The following ZZZ3 variants were observed in gnomAD, a reference collection of about 807,000 sequenced individuals.
ZZZ3 encodes zinc finger ZZ-type containing 3, also known as ZZ-type zinc finger-containing protein 3.
A neutral mutation model predicts 95.2 loss-of-function variants in ZZZ3; 22 were observed. The observed-to-expected ratio is 0.23, with a 90% CI of 0.17 to 0.33. The LOEUF (loss-of-function observed/expected upper bound fraction) is 0.33, where lower values mean the gene tolerates loss of function less well. ZZZ3 is among the 10% of genes least tolerant of loss of function. The pLI is 1.00. For missense variants in ZZZ3, 885 were observed against 1,066.5 expected (o/e 0.83, Z 2.37); for synonymous variants, 335 against 358.9 (o/e 0.93, Z 0.75).
At position 77,632,861 on chromosome 1, in the gene ZZZ3, C is replaced by A; in HGVS notation, c.494G>T (p.Arg165Leu). Residue 165 changes from arginine (R) to leucine (L), a missense_variant, in exon 5 of 15, where the codon CGA becomes CTA. By Grantham distance (102) the Arg-to-Leu change is moderately radical. Coordinates refer to ENST00000370801, the MANE Select transcript of ZZZ3 (RefSeq NM_015534.6). ...ADFQGTKRACRCLILDDCEKR... is the reference protein window; with the variant it reads ...ADFQGTKRACLCLILDDCEKR... ...CTCACAATCATCCAGTATAAGACAT[C>A]GACAAGCTCGTTTAGTCCCTTGAAA... 1.9e-6 allele frequency: 3 copies of A among 1,614,184 alleles called. No homozygotes were observed. The highest frequency in any genetic ancestry group is 2.5e-6 in the Non-Finnish European group (3 of 1,180,022).
chr1:77,666,051 A>G (rs1171172655), intron 1 of ZZZ3, among the ~76,000 whole-genome samples: 1 of 152,234 alleles, frequency 6.6e-6, no homozygotes, highest in African/African-American at 2.4e-5. Flanking sequence ...AAAAATAAAT[A>G]AAGTATTTGG....
intron 5 of ZZZ3, among the ~76,000 whole-genome samples, chr1:77,611,244 A>AC (rs1665768748): frequency 6.7e-6 from 1 of 149,176 alleles, no homozygotes; most frequent in Admixed American, 6.7e-5. Flanking sequence ...AAAAAAAAAA[A>AC]AAAAAACAAC....
chr1:77,619,434 A>G (rs1666635966), intron 5 of ZZZ3, among the ~76,000 whole-genome samples: 1 of 152,198 alleles, frequency 6.6e-6, no homozygotes, highest in Admixed American at 6.5e-5. Flanking sequence ...TTAATAGAAC[A>G]GACACACATA....
chr1:77,591,870 T>A (rs1337906677), intron 5 of ZZZ3, among the ~76,000 whole-genome samples: 3 of 152,156 alleles, frequency 2.0e-5, no homozygotes, highest in African/African-American at 7.2e-5. Flanking sequence ...GCCCAAAATC[T>A]AAGTGAAAGA....
chr1:77,673,470 G>A (rs1457593183), intron 1 of ZZZ3, among the ~76,000 whole-genome samples: 4 of 152,058 alleles, frequency 2.6e-5, no homozygotes, highest in Non-Finnish European at 5.9e-5. Flanking sequence ...GGTGGCAGGC[G>A]GCTGTAATTC....
At chr1:77,649,175 T>A (rs953728750) in intron 1 of ZZZ3, among the ~76,000 whole-genome samples, 5 of 151,664 alleles carry the variant, frequency 3.3e-5, no homozygotes, top group African/African-American at 1.2e-4. Flanking sequence ...ACAAGAAACA[T>A]GAATAAAACT....
At chr1:77,619,018 T>C (rs1666598543) in intron 5 of ZZZ3, among the ~76,000 whole-genome samples, 1 of 152,150 alleles carries the variant, frequency 6.6e-6, no homozygotes, top group African/African-American at 2.4e-5. Flanking sequence ...AACTATATTA[T>C]AGCTAACAGA....
chr1:77,565,692 T>G lies in ZZZ3; in HGVS notation c.2660A>C (p.Gln887Pro), dbSNP rs763914638. 1 of 1,613,978 alleles carries G rather than the reference T, an allele frequency of 6.2e-7. No homozygotes were observed. ...GTCAAGGTAATTGTAACTGGTGCCC[T>G]GAGACACACAGTAGTCTCTGTCTAA... ...TFLDRDYCVS[Q>P]GTSYNYLDPN... The change falls in exon 15 of 15, where the codon CAG becomes CCG. Residue 887 changes from glutamine to proline, a missense_variant. By Grantham distance (76) the Gln-to-Pro change is moderately conservative. Transcript: ENST00000370801.
intron 4 of ZZZ3, among the ~76,000 whole-genome samples, chr1:77,638,046 G>A (rs1367285966): frequency 6.6e-6 from 1 of 152,146 alleles, no homozygotes; most frequent in Non-Finnish European, 1.5e-5. Flanking sequence ...CTACACTGGA[G>A]TTTTTCCTAT....
At chr1:77,679,855 T>G (rs1672589750) in intron 1 of ZZZ3, among the ~76,000 whole-genome samples, 1 of 152,212 alleles carries the variant, frequency 6.6e-6, no homozygotes, top group Non-Finnish European at 1.5e-5. Flanking sequence ...CTCAGTATAT[T>G]TCTACCAAGT....
chr1:77,679,624 T>C (rs1294447472), intron 1 of ZZZ3, among the ~76,000 whole-genome samples: 1 of 152,236 alleles, frequency 6.6e-6, no homozygotes, highest in Non-Finnish European at 1.5e-5. Flanking sequence ...GAAATTGGCA[T>C]GGTGTCAGAC....
chr1:77,579,894 CAG>C (rs1431516318), intron 9 of ZZZ3: 1 of 205,930 alleles, frequency 4.9e-6, no homozygotes, highest in Non-Finnish European at 9.6e-6. Context: ...CATAAGAAAA[CAG>C]AAAATAAGTA....
At position 77,611,247 on chromosome 1, in the gene ZZZ3, AAAAC is replaced by A. The variant is rs1396470599; in HGVS notation, c.1505+20599_1505+20602del. On this transcript the variant is annotated intron_variant, in intron 5 of 14. Coordinates refer to ENST00000370801, the MANE Select transcript of ZZZ3 (RefSeq NM_015534.6). ...AAATACCTACCAAAAAAAAAAAAAA[AAAAC>A]AACCCACATGCAAAAAAACACAAAA... 3.5e-3 allele frequency among the ~76,000 whole-genome samples: 516 copies of A among 149,098 alleles called. 6 individuals carry two copies. Among genetic ancestry groups the A allele is most frequent in the African/African-American group, 0.012 (496 of 40,870 alleles).
intron 5 of ZZZ3, among the ~76,000 whole-genome samples, chr1:77,587,415 C>T (rs536927348): frequency 3.3e-5 from 5 of 151,986 alleles, no homozygotes; most frequent in Admixed American, 3.3e-4. Flanking sequence ...CAGGCACCCG[C>T]CACCACATCC....
At chr1:77,644,061 T>TG (rs1557756815) in intron 1 of ZZZ3, among the ~76,000 whole-genome samples, 4 of 151,600 alleles carry the variant, frequency 2.6e-5, no homozygotes, top group Non-Finnish European at 5.9e-5. Context: ...GAAATAACTT[T>TG]CTTTTTTTTT....
At chr1:77,641,794 A>G in intron 1 of ZZZ3, 139 bp from the exon 2 acceptor site, 1 of 380,512 alleles carries the variant, frequency 2.6e-6, no homozygotes, top group East Asian at 3.7e-5. Flanking sequence ...CCTTACATTT[A>G]GCTGTGAAAT....
chr1:77,635,746 A>G (rs1485197452), intron 4 of ZZZ3, among the ~76,000 whole-genome samples: 1 of 152,174 alleles, frequency 6.6e-6, no homozygotes, highest in East Asian at 1.9e-4. Context: ...TCTCTACTAA[A>G]AATACAAAAA....
Position 77,568,418 on chromosome 1 carries a change from C to CCTG in ZZZ3, c.2379_2380insCAG (p.Lys793_Glu794insGln). 7.0e-7 allele frequency: 1 copy of CCTG among 1,430,032 alleles called. No homozygotes were observed. The highest frequency in any genetic ancestry group is 1.2e-5 in the South Asian group (1 of 80,806). 88.6% of individuals were successfully genotyped at this position (1,430,032 alleles called of 1,614,324 possible). On this transcript the variant is annotated inframe_insertion, in exon 13 of 15. Coordinates refer to ENST00000370801, the MANE Select transcript of ZZZ3 (RefSeq NM_015534.6). ...TTTAACTTTTTAAACTGTAATAGTT[C>CCTG]TTTATATTCAGGTAAATTCCTATAC...
At chr1:77,643,073 A>T (rs1668931199) in intron 1 of ZZZ3, among the ~76,000 whole-genome samples, 1 of 151,888 alleles carries the variant, frequency 6.6e-6, no homozygotes, top group African/African-American at 2.4e-5. Flanking sequence ...AGGTAGCCAC[A>T]TGTGGTGGTG....
Sources: allele counts gnomAD v4.1 joint callset (sites outside exome capture counted in the v4.1 genomes callset), GRCh38; gene constraint gnomAD v4.1.1; transcripts MANE v1.5; gene names NCBI Gene and HGNC (gene_info 2026-07-23, HGNC 2026-07-21).